Variants in UGT1A6 observed in about 807,000 individuals in gnomAD.
The protein encoded by UGT1A6 is UDP-glucuronosyltransferase 1A6.
UGT1A6 carries 32 observed loss-of-function variants against 44.4 expected under a neutral mutation model. That is an observed-to-expected ratio of 0.72 (90% CI 0.54 to 0.97). UGT1A6 has a LOEUF of 0.97. Ranked by LOEUF, UGT1A6 falls within the 50% of genes least tolerant of loss-of-function variation. The pLI, the probability that UGT1A6 is intolerant of heterozygous loss-of-function variation, is 0.00. For missense variants in UGT1A6, 685 were observed against 661.9 expected, an observed-to-expected ratio of 1.03 and a Z score of -0.38; for synonymous variants, 238 against 248.5, an observed-to-expected ratio of 0.96 and a Z score of 0.40.
At chr2:233,716,813 G>C (rs1182670482) in intron 1 of UGT1A6, among the ~76,000 whole-genome samples, 1 of 152,094 alleles carries the variant, frequency 6.6e-6, no homozygotes, top group Admixed American at 6.6e-5. Context: ...GACGTTGCTG[G>C]GGTGACCTCA....
At chr2:233,765,776 G>T (rs1408785034) in intron 1 of UGT1A6, among the ~76,000 whole-genome samples, 1 of 151,906 alleles carries the variant, frequency 6.6e-6, no homozygotes, top group South Asian at 2.1e-4. Flanking sequence ...GGGATTCATT[G>T]GACCACTGAA....
chr2:233,695,075 C>T (rs888068416), intron 1 of UGT1A6, among the ~76,000 whole-genome samples: 1 of 151,850 alleles, frequency 6.6e-6, no homozygotes, highest in Non-Finnish European at 1.5e-5. Flanking sequence ...GCACTTTGGA[C>T]TTACTCATTC....
At chr2:233,760,764 C>G (rs199766420) in intron 1 of UGT1A6, 1 of 1,614,088 alleles carries the variant, frequency 6.2e-7, no homozygotes, top group Non-Finnish European at 8.5e-7. Flanking sequence ...GCAGCCCCAT[C>G]GTGGCCCAGT....
chr2:233,713,344 A>C (rs925382549), intron 1 of UGT1A6: 1 of 1,614,206 alleles, frequency 6.2e-7, no homozygotes, highest in African/African-American at 1.3e-5. Flanking sequence ...GCAATTATGA[A>C]CAATATGTCT....
chr2:233,709,020 G>A (rs2076052860), intron 1 of UGT1A6, among the ~76,000 whole-genome samples: 2 of 152,236 alleles, frequency 1.3e-5, no homozygotes, highest in South Asian at 4.1e-4. Flanking sequence ...TACCCAAGCA[G>A]CAGGGGCTTC....
chr2:233,710,441 T>G (rs568926544), intron 1 of UGT1A6, among the ~76,000 whole-genome samples: 1 of 152,258 alleles, frequency 6.6e-6, no homozygotes, highest in Non-Finnish European at 1.5e-5. Context: ...TTTTAGTCTT[T>G]TACATTTTAG....
chr2:233,728,535 G>C (rs1446157301), intron 1 of UGT1A6, among the ~76,000 whole-genome samples: 3 of 152,190 alleles, frequency 2.0e-5, no homozygotes, highest in Admixed American at 6.5e-5. Context: ...CCACTTCAGA[G>C]AGAGTCCTCT....
At chr2:233,706,188 C>T (rs1428405421) in intron 1 of UGT1A6, among the ~76,000 whole-genome samples, 1 of 152,206 alleles carries the variant, frequency 6.6e-6, no homozygotes, top group East Asian at 1.9e-4. Flanking sequence ...TCTGCCCAGG[C>T]TGCTCCTCCA....
chr2:233,714,409 CTG>C (rs2076385433), intron 1 of UGT1A6, among the ~76,000 whole-genome samples: 1 of 152,130 alleles, frequency 6.6e-6, no homozygotes, highest in Non-Finnish European at 1.5e-5. Context: ...CAATGGATGT[CTG>C]TGATCAGAGA....
intron 1 of UGT1A6, among the ~76,000 whole-genome samples, chr2:233,724,264 C>G (rs1250827727): frequency 2.6e-5 from 3 of 116,548 alleles, no homozygotes; most frequent in Non-Finnish European, 3.6e-5. Context: ...ACCTCCCGGA[C>G]GGGGCGGCTG....
intron 1 of UGT1A6, among the ~76,000 whole-genome samples, chr2:233,740,158 G>A (rs2125827659): frequency 6.6e-6 from 1 of 151,948 alleles, no homozygotes; most frequent in East Asian, 1.9e-4. Flanking sequence ...GGCCTCCCCA[G>A]TCATGTGGAA....
intron 1 of UGT1A6, among the ~76,000 whole-genome samples, chr2:233,757,757 G>C (rs1696714079): frequency 6.6e-6 from 1 of 151,646 alleles, no homozygotes; most frequent in African/African-American, 2.4e-5. Context: ...TGTTTATGTT[G>C]CTCCTTTAGT....
chr2:233,719,640 G>T lies in UGT1A6; in HGVS notation c.861+25775G>T, dbSNP rs560127147. ...CCCCAGGCCGATCATGCCCAACATG[G>T]TCTTCATTGGGGGCATCAACTGTGC... On this transcript the variant is annotated intron_variant, in intron 1 of 4. Transcript: ENST00000305139. 1.8e-5 allele frequency: 29 copies of T among 1,614,046 alleles called. 1 individual carries two copies. The East Asian group carries it at 2.0e-4, about 11-fold the overall frequency.
In UGT1A6 at chr2:233,747,393, C is replaced by T. The variant is rs925567764; in HGVS notation, c.862-19641C>T. Reference sequence around the variant, plus strand: ...TGCCAGAGGCCACCAGGCGGTGGTCCTCACCCCAGAGGTGAATATGCACAT... The same window carrying T: ...TGCCAGAGGCCACCAGGCGGTGGTCTTCACCCCAGAGGTGAATATGCACAT... On this transcript the variant is annotated intron_variant, in intron 1 of 4. Transcript: ENST00000305139. 15 of 1,605,988 alleles carry T rather than the reference C, an allele frequency of 9.3e-6. No homozygotes were observed. The East Asian group carries it at 3.3e-4, about 36-fold the overall frequency.
chr2:233,761,130 TC>T, intron 1 of UGT1A6: 1 of 1,614,212 alleles, frequency 6.2e-7, no homozygotes, highest in Non-Finnish European at 8.5e-7. Flanking sequence ...TCAACTGCCT[TC>T]ACCAAAATCC....
Position 233,769,630 on chromosome 2 carries a change from A to G in UGT1A6, c.1301+1191A>G, listed in dbSNP as rs528146282. 1.2e-5 allele frequency: 19 copies of G among 1,611,880 alleles called. 1 individual carries two copies. The Admixed American group carries it at 2.5e-4, about 21-fold the overall frequency. ...CACACCAGCTTGAGCAAGGGACAAC[A>G]GGGGAGGACTGATGACTGACTTCCC... On this transcript the variant is annotated intron_variant, in intron 4 of 4. Coordinates refer to ENST00000305139, the MANE Select transcript of UGT1A6 (RefSeq NM_001072.4). This position sits in a 1 kb window ranked among gnomAD's most constrained non-coding sequence, Gnocchi z 4.4.
At chr2:233,757,560 A>ATATATATATATATATATATATATATATG (rs904896556) in intron 1 of UGT1A6, among the ~76,000 whole-genome samples, 8 of 123,138 alleles carry the variant, frequency 6.5e-5, no homozygotes, top group African/African-American at 2.4e-4. Flanking sequence ...ATATATATAT[A>ATATATATATATATATATATATATATATG]TGTATATATG....
chr2:233,760,268 C>T (rs1166163686), intron 1 of UGT1A6: 1 of 1,612,240 alleles, frequency 6.2e-7, no homozygotes, highest in Admixed American at 1.7e-5. Context: ...GGGCGAACCT[C>T]TGGCAGGAGC....
At chr2:233,756,622 C>T (rs1385853377) in intron 1 of UGT1A6, among the ~76,000 whole-genome samples, 1 of 152,014 alleles carries the variant, frequency 6.6e-6, no homozygotes, top group African/African-American at 2.4e-5. Flanking sequence ...ACTTGCAGGC[C>T]GTGTGTATAG....
Sources: gnomAD v4.1 joint callset for allele counts (sites outside exome capture counted in the v4.1 genomes callset) on GRCh38, gnomAD v4.1.1 for gene constraint, Gnocchi (gnomAD v3.1) non-coding constraint, MANE v1.5 for transcripts, NCBI Gene and HGNC (gene_info 2026-07-23, HGNC 2026-07-21) for gene names.